The following ADAMTS10 variants were observed in gnomAD, a reference collection of about 807,000 sequenced individuals.
ADAMTS10 encodes the protein A disintegrin and metalloproteinase with thrombospondin motifs 10.
In ADAMTS10, 48 loss-of-function variants were observed where a neutral mutation model predicts 135.9. The observed-to-expected ratio is 0.35, with a 90% CI of 0.28 to 0.45. The LOEUF is 0.45. Ranked by LOEUF, ADAMTS10 falls within the 20% of genes least tolerant of loss-of-function variation. ADAMTS10 has a pLI of 1.00. For synonymous variants in ADAMTS10, 621 were observed against 647.5 expected (o/e 0.96, Z 0.62); for missense variants, 1,131 against 1,565.2 (o/e 0.72, Z 4.68).
In ADAMTS10 at chr19:8,596,476, C is replaced by T; in HGVS notation, c.1085-64G>A. 1.2e-6 allele frequency: 2 copies of T among 1,612,470 alleles called. No individual in the cohort carries two copies. Among genetic ancestry groups the T allele is most frequent in the Non-Finnish European group, 1.7e-6 (2 of 1,178,708 alleles). On this transcript the variant is annotated intron_variant, in intron 9 of 25. Transcript: ENST00000597188. This position sits in a 1 kb window ranked among gnomAD's most constrained non-coding sequence, Gnocchi z 7.2. ...CAGGACGGTGCTGGCTGGCCCCATC[C>T]ACCTGCCAGGTCTCACCCCAGCCCA...
intron 18 of ADAMTS10, among the ~76,000 whole-genome samples, chr19:8,588,968 T>A (rs2042478390): frequency 6.6e-6 from 1 of 152,010 alleles, no homozygotes; most frequent in Non-Finnish European, 1.5e-5. Context: ...ATTTTTGTAT[T>A]TTTAGTAGAA....
chr19:8,593,723 G>A (rs2042571019), intron 12 of ADAMTS10, among the ~76,000 whole-genome samples: 1 of 152,042 alleles, frequency 6.6e-6, no homozygotes, highest in South Asian at 2.1e-4. Flanking sequence ...CAACCTCCCA[G>A]CGTCTTTCCT....
rs1555740265 is a variant in ADAMTS10, at chr19:8,596,469, C to T, written c.1085-57G>A. 41 of 1,610,960 alleles carry T rather than the reference C, an allele frequency of 2.5e-5. No homozygotes were observed. The highest frequency in any genetic ancestry group is 2.4e-5 in the Non-Finnish European group (28 of 1,178,668). ...GGAGGCTCAGGACGGTGCTGGCTGG[C>T]CCCATCCACCTGCCAGGTCTCACCC... is the stretch of plus-strand genomic sequence containing the variant. On this transcript the variant is annotated intron_variant, in intron 9 of 25. Transcript: ENST00000597188. This position sits in a 1 kb window ranked among gnomAD's most constrained non-coding sequence, Gnocchi z 7.2.
chr19:8,583,025 C>T (rs2042375185), intron 25 of ADAMTS10, among the ~76,000 whole-genome samples: 1 of 152,210 alleles, frequency 6.6e-6, no homozygotes, highest in East Asian at 1.9e-4. Context: ...CTCAGGCAAT[C>T]TTTCCAGTTC....
rs1440072510 is a variant in ADAMTS10 at position 8,585,005 on chromosome 19, G to T, written c.3092C>A (p.Thr1031Asn). The part of the protein sequence containing the change: ...VGQRQRSVRC[T>N]SHTGQASHEC... Reference sequence around the variant, plus strand: ...GTGCGACGCCTGGCCCGTGTGGCTGGTGCAGCGCACCGAGCGCTGCCGCTG... The same window carrying T: ...GTGCGACGCCTGGCCCGTGTGGCTGTTGCAGCGCACCGAGCGCTGCCGCTG... Residue 1031 changes from threonine to asparagine, a missense_variant, in exon 25 of 26, where the codon ACC becomes AAC. Coordinates refer to ENST00000597188, the MANE Select transcript of ADAMTS10 (RefSeq NM_030957.4). The T allele has an allele frequency of 1.1e-5, 17 of 1,540,546 alleles. No homozygotes were observed. The highest frequency in any genetic ancestry group is 1.5e-5 in the Non-Finnish European group (17 of 1,145,010).
chr19:8,605,272 G>A lies in ADAMTS10; in HGVS notation c.175C>T (p.Pro59Ser), dbSNP rs376631970. 3.8e-5 allele frequency: 61 copies of A among 1,612,808 alleles called. 1 individual carries two copies. Among genetic ancestry groups the A allele is most frequent in the Admixed American group, 5.0e-5 (3 of 59,874 alleles). ...HNGALLAFSP[P>S]PPRRQRRGTG... The stretch of plus-strand genomic sequence containing the variant: ...CCGCGGCGCTGCCTCCGGGGAGGAG[G>A]TGGCGAGAAGGCCAGCAGTGCCCCG... Residue 59 changes from proline to serine, a missense_variant, in exon 4 of 26, where the codon CCT (proline) becomes TCT (serine). Pro to Ser is a moderately conservative substitution (Grantham distance 74). This residue lies in a region of ADAMTS10 where 306 missense variants were observed against 344.4 expected (regional missense o/e 0.89). Transcript: ENST00000597188. This position sits in a 1 kb window ranked among gnomAD's most constrained non-coding sequence, Gnocchi z 7.7.
chr19:8,591,040 T>G (rs2042518168), intron 15 of ADAMTS10, among the ~76,000 whole-genome samples: 1 of 152,060 alleles, frequency 6.6e-6, no homozygotes, highest in African/African-American at 2.4e-5. Flanking sequence ...AAACACCCCC[T>G]CCCCAGTAAA....
chr19:8,585,607 C>T lies in ADAMTS10; in HGVS notation c.2714G>A (p.Arg905His). The change falls in exon 23 of 26, where the codon CGC becomes CAC. Residue 905 changes from arginine (R) to histidine (H), a missense_variant. By Grantham distance (29) the Arg-to-His change is conservative. Around this residue, in one of 3 missense-constraint regions of ADAMTS10, gnomAD observed 745 missense variants for 1,056.3 expected, o/e 0.71. Transcript: ENST00000597188. ...LCSRSCDAGV[R>H]SRSVVCQRRV... ...GCGCTGGCACACGACCGAGCGGCTG[C>T]GCACGCCTGCATCGCAGCTGCGGCT... 3 of 1,611,252 alleles carry T rather than the reference C, an allele frequency of 1.9e-6. No individual in the cohort carries two copies. Among genetic ancestry groups the T allele is most frequent in the South Asian group, 2.2e-5 (2 of 90,966 alleles).
In ADAMTS10 at chr19:8,605,862, C is replaced by T. The variant is rs2042716945; in HGVS notation, c.-99-53G>A. ...CGCCTGGTCCCGCTGTCCAGCACAACCAATGCCAAGGCCAATCATGGCCAA... is the reference window on the plus strand; with the variant it reads ...CGCCTGGTCCCGCTGTCCAGCACAATCAATGCCAAGGCCAATCATGGCCAA... On this transcript the variant is annotated intron_variant, in intron 2 of 25. Coordinates refer to ENST00000597188, the MANE Select transcript of ADAMTS10 (RefSeq NM_030957.4). This position sits in a 1 kb window ranked among gnomAD's most constrained non-coding sequence, Gnocchi z 7.7. 1.4e-6 allele frequency: 2 copies of T among 1,436,592 alleles called. No homozygotes were observed. The highest frequency in any genetic ancestry group is 1.4e-5 in the African/African-American group (1 of 69,856). 89.0% of individuals were successfully genotyped at this position (1,436,592 alleles called of 1,614,324 possible).
At chr19:8,581,909 T>C (rs942345463) in intron 25 of ADAMTS10, among the ~76,000 whole-genome samples, 61 of 149,790 alleles carry the variant, frequency 4.1e-4, no homozygotes, top group African/African-American at 1.2e-3. Context: ...CATGTGCCTG[T>C]AGTCCCAGCT....
intron 12 of ADAMTS10, 93 bp downstream of exon 12, chr19:8,595,669 C>A: frequency 1.4e-6 from 2 of 1,434,344 alleles, no homozygotes; most frequent in Non-Finnish European, 1.9e-6. Flanking sequence ...CCCACCCCCT[C>A]ACTTCCCAGG....
At position 8,584,929 on chromosome 19, in the gene ADAMTS10, C is replaced by T; in HGVS notation, c.3168G>A (p.Lys1056=). The part of the protein sequence containing the change: ...RPPTTQQCEA[K]CDSPTPGDGP... ...CGTCCCCGGGGGTTGGGCTGTCGCACTTGGCCTCACACTGCTGCGTGGTGG... is the reference window on the plus strand; with the variant it reads ...CGTCCCCGGGGGTTGGGCTGTCGCATTTGGCCTCACACTGCTGCGTGGTGG... Residue 1056 remains lysine, a synonymous_variant, in exon 25 of 26, where the codon AAG becomes AAA. Coordinates refer to ENST00000597188, the MANE Select transcript of ADAMTS10 (RefSeq NM_030957.4). 1 of 1,548,966 alleles carries T rather than the reference C, an allele frequency of 6.5e-7. No homozygotes were observed. The highest frequency in any genetic ancestry group is 8.7e-7 in the Non-Finnish European group (1 of 1,146,484).
intron 6 of ADAMTS10, 154 bp from the exon 7 acceptor site, chr19:8,597,471 G>A: frequency 1.4e-6 from 1 of 730,232 alleles, no homozygotes; most frequent in South Asian, 1.5e-5. Context: ...TGTTGCTGTT[G>A]TTGTTAAAGA....
In ADAMTS10 at chr19:8,586,708, G is replaced by A. The variant is rs782386588; in HGVS notation, c.2253C>T (p.Asp751=). Residue 751 remains aspartate (D), a synonymous_variant, in exon 20 of 26, where the codon GAC becomes GAT. Coordinates refer to ENST00000597188, the MANE Select transcript of ADAMTS10 (RefSeq NM_030957.4). ...GCCCCTCCAGCAGCAGGGACTCCTG[G>A]TCTCCCTTCAGGGCTGGGGGACGAT... ...LSLSHLALKG[D]QESLLLEGLP... 6.2e-7 allele frequency: 1 copy of A among 1,613,308 alleles called. No individual in the cohort carries two copies. Among genetic ancestry groups the A allele is most frequent in the Non-Finnish European group, 8.5e-7 (1 of 1,179,350 alleles).
rs372914202 is a variant in ADAMTS10 at position 8,591,776 on chromosome 19, C to A, written c.1797+24G>T. 5.6e-6 allele frequency: 9 copies of A among 1,613,330 alleles called. No homozygotes were observed. In the African/African-American group the frequency reaches 8.0e-5, roughly 14 times the overall value. ...TTTTTAATGCTTCCTCCCCCCACCC[C>A]TCAAGGGGTTTGGGGGAACTCACAT... On this transcript the variant is annotated intron_variant, in intron 15 of 25. Transcript: ENST00000597188.
chr19:8,601,222 C>T lies in ADAMTS10; in HGVS notation c.593-77G>A, dbSNP rs1370893207. 4.0e-6 allele frequency: 6 copies of T among 1,487,908 alleles called. No individual in the cohort carries two copies. The highest frequency in any genetic ancestry group is 2.4e-5 in the East Asian group (1 of 42,220). 92.2% of individuals were successfully genotyped at this position (1,487,908 alleles called of 1,614,324 possible). A position where few individuals can be genotyped will look rare whatever the true frequency, so the allele number is the denominator to read the frequency against. On this transcript the variant is annotated intron_variant, in intron 5 of 25. Transcript: ENST00000597188. This position sits in a 1 kb window ranked among gnomAD's most constrained non-coding sequence, Gnocchi z 4.6. Reference sequence around the variant, plus strand: ...GCTGCCTGACAACTGTCTTGTCCAACCTCTGACTGGCTACCTCTCTACCCA... The same window carrying T: ...GCTGCCTGACAACTGTCTTGTCCAATCTCTGACTGGCTACCTCTCTACCCA...
intron 25 of ADAMTS10, among the ~76,000 whole-genome samples, chr19:8,582,022 C>A (rs571354623): frequency 7.4e-4 from 102 of 138,470 alleles, no homozygotes; most frequent in African/African-American, 2.8e-3. Context: ...CAGAGCGAGA[C>A]CCTGTCAAAC....
chr19:8,595,698 T>TGCCTG, intron 12 of ADAMTS10, 64 bp downstream of exon 12: 14 of 1,291,944 alleles, frequency 1.1e-5, no homozygotes, highest in Non-Finnish European at 1.4e-5. Context: ...CTGGTGGAGT[T>TGCCTG]CCCTCCCCCA....
chr19:8,600,773 C>G (rs1212232319), intron 6 of ADAMTS10, among the ~76,000 whole-genome samples, 155 bp downstream of exon 6: 1 of 152,126 alleles, frequency 6.6e-6, no homozygotes, highest in Non-Finnish European at 1.5e-5. Flanking sequence ...GCTGGGATTA[C>G]AGGTGTGAGC....
Sources: gnomAD v4.1 joint callset for allele counts (sites outside exome capture counted in the v4.1 genomes callset) on GRCh38, gnomAD v4.1.1 for gene constraint, gnomAD v4.1.1 regional missense constraint, Gnocchi (gnomAD v3.1) non-coding constraint, MANE v1.5 for transcripts, NCBI Gene and HGNC (gene_info 2026-07-23, HGNC 2026-07-21) for gene names.